Variants in PCDHGA7 observed in about 807,000 individuals in gnomAD.
PCDHGA7 encodes protocadherin gamma-A7.
PCDHGA7 carries 44 observed loss-of-function variants against 58.3 expected under a neutral mutation model. The observed-to-expected ratio is 0.75, with a 90% CI of 0.59 to 0.97. PCDHGA7 has a LOEUF of 0.97. PCDHGA7 is among the 50% of genes least tolerant of loss of function. PCDHGA7 has a pLI of 0.00. For synonymous variants in PCDHGA7, 516 were observed against 504.2 expected, an observed-to-expected ratio of 1.02 and a Z score of -0.31; for missense variants, 1,266 against 1,188.7, an observed-to-expected ratio of 1.06 and a Z score of -0.96.
At chr5:141,402,930 G>A (rs1260331134) in intron 1 of PCDHGA7, 1 of 1,584,094 alleles carries the variant, frequency 6.3e-7, no homozygotes, top group Non-Finnish European at 8.6e-7. Flanking sequence ...ATCCTTTTGA[G>A]AAAATTCCAA....
At chr5:141,403,574 C>A (rs1441332710) in intron 1 of PCDHGA7, 1 of 1,613,960 alleles carries the variant, frequency 6.2e-7, no homozygotes, top group Admixed American at 1.7e-5. Flanking sequence ...GGCAACTGCC[C>A]ACCACCTGGT....
rs1288831801 is a variant in PCDHGA7, at chr5:141,477,793, T to C, written c.2425-17014T>C. The C allele has an allele frequency of 6.2e-7, 1 of 1,614,050 alleles. No homozygotes were observed. The highest frequency in any genetic ancestry group is 2.2e-5 in the East Asian group (1 of 44,874). ...TCAGCGTGAACATATTTGTCACTGATCGCAATGACAATGCCCCCCAGGTCC... is the reference window on the plus strand; with the variant it reads ...TCAGCGTGAACATATTTGTCACTGACCGCAATGACAATGCCCCCCAGGTCC... On this transcript the variant is annotated intron_variant, in intron 1 of 3. Coordinates refer to ENST00000518325, the MANE Select transcript of PCDHGA7 (RefSeq NM_018920.4). This position sits in a 1 kb window ranked among gnomAD's most constrained non-coding sequence, Gnocchi z 4.9.
intron 1 of PCDHGA7, chr5:141,421,719 C>T (rs2096595246): frequency 6.2e-7 from 1 of 1,613,942 alleles, no homozygotes; most frequent in Non-Finnish European, 8.5e-7. Flanking sequence ...CAGATGTGGG[C>T]GTGAACTCCC....
Position 141,383,141 on chromosome 5 carries a change from G to A in PCDHGA7, c.242G>A (p.Ser81Asn), listed in dbSNP as rs781049830. ...RTQLFALNQR[S>N]GSLVTAGRID... ...CAGCTTTTCGCCCTGAACCAGCGCA[G>A]CGGCAGCTTGGTCACTGCGGGCAGG... Residue 81 changes from serine to asparagine, a missense_variant, in exon 1 of 4, where the codon AGC (serine) becomes AAC (asparagine). Coordinates refer to ENST00000518325, the MANE Select transcript of PCDHGA7 (RefSeq NM_018920.4). 2 of 1,614,134 alleles carry A rather than the reference G, an allele frequency of 1.2e-6. No homozygotes were observed. Among genetic ancestry groups the A allele is most frequent in the Admixed American group, 1.7e-5 (1 of 60,038 alleles).
chr5:141,400,081 G>A lies in PCDHGA7; in HGVS notation c.2424+14758G>A, dbSNP rs763547099. 3.7e-6 allele frequency: 6 copies of A among 1,613,902 alleles called. No homozygotes were observed. The highest frequency in any genetic ancestry group is 3.3e-5 in the Admixed American group (2 of 60,010). On this transcript the variant is annotated intron_variant, in intron 1 of 3. Transcript: ENST00000518325. ...TGATGGTGGACAGCCGCCACTCTCC[G>A]CCACCGCCACGCTGCACTTGGTCTT...
intron 1 of PCDHGA7, chr5:141,393,859 T>A (rs1348760722): frequency 1.9e-6 from 3 of 1,613,994 alleles, no homozygotes; most frequent in Non-Finnish European, 2.5e-6. Flanking sequence ...GAAGTGATCA[T>A]TACGTCTTTG....
intron 1 of PCDHGA7, chr5:141,409,412 C>T (rs1261631725): frequency 1.2e-6 from 2 of 1,614,032 alleles, no homozygotes; most frequent in Non-Finnish European, 1.7e-6. Flanking sequence ...CTACTACAAA[C>T]TGGTGACAGA....
rs142995927 is a variant in PCDHGA7, at chr5:141,489,933, C to T, written c.2425-4874C>T. 38 of 1,614,064 alleles carry T rather than the reference C, an allele frequency of 2.4e-5. No homozygotes were observed. The highest frequency in any genetic ancestry group is 1.8e-4 in the South Asian group (16 of 91,084). On this transcript the variant is annotated intron_variant, in intron 1 of 3. Transcript: ENST00000518325. This position sits in a 1 kb window ranked among gnomAD's most constrained non-coding sequence, Gnocchi z 4.5. ...CAGGGACCACCCTTATCTCTGTCAT[C>T]GTGCTGGACATCAATGATAATGCTC...
chr5:141,392,511 A>T (rs1368500575), intron 1 of PCDHGA7: 1 of 240,352 alleles, frequency 4.2e-6, no homozygotes, highest in Non-Finnish European at 7.9e-6. Flanking sequence ...TTTTTTTCTC[A>T]GTAATCTAGT....
At chr5:141,418,817 G>A (rs2154547923) in intron 1 of PCDHGA7, 1 of 1,613,882 alleles carries the variant, frequency 6.2e-7, no homozygotes, top group Non-Finnish European at 8.5e-7. Flanking sequence ...GATAAACATA[G>A]AAGCAAAAGA....
intron 2 of PCDHGA7, among the ~76,000 whole-genome samples, chr5:141,500,184 TTTTATTTA>T (rs58019021): frequency 0.099 from 13,469 of 135,812 alleles, 757 homozygotes; most frequent in African/African-American, 0.15. Context: ...TCATTTTTAT[TTTTATTTA>T]TTTATTTATT....
intron 1 of PCDHGA7, chr5:141,419,315 C>G (rs2096357855): frequency 1.2e-6 from 2 of 1,613,998 alleles, no homozygotes; most frequent in Non-Finnish European, 1.7e-6. Flanking sequence ...GCTCAACGGC[C>G]GTGTCTCCTA....
intron 1 of PCDHGA7, chr5:141,410,052 T>C: frequency 6.2e-7 from 1 of 1,613,122 alleles, no homozygotes; most frequent in Non-Finnish European, 8.5e-7. Context: ...CCCGGACTCT[T>C]CAGCCTGGGG....
Position 141,489,267 on chromosome 5 carries a change from C to G in PCDHGA7, c.2425-5540C>G. 6.4e-7 allele frequency: 1 copy of G among 1,553,302 alleles called. No homozygotes were observed. Among genetic ancestry groups the G allele is most frequent in the Non-Finnish European group, 8.7e-7 (1 of 1,149,864 alleles). The stretch of plus-strand genomic sequence containing the variant: ...TGGGGCCCAAGACACTCCCACAGCT[C>G]GCTGGGAAATGGCAAGTGCTGTGCA... On this transcript the variant is annotated intron_variant, in intron 1 of 3. Coordinates refer to ENST00000518325, the MANE Select transcript of PCDHGA7 (RefSeq NM_018920.4). The surrounding 1 kb of genome is among the most constrained non-coding windows in gnomAD (Gnocchi z 4.5).
At chr5:141,414,491 A>T in intron 1 of PCDHGA7, 1 of 1,613,962 alleles carries the variant, frequency 6.2e-7, no homozygotes, top group Non-Finnish European at 8.5e-7. Flanking sequence ...CTATCAACGG[A>T]AGCTCACTTT....
In PCDHGA7 at chr5:141,511,307, G is replaced by A. The variant is rs919320754; in HGVS notation, c.*134G>A. On this transcript the variant is annotated 3_prime_UTR_variant, in exon 4 of 4. Coordinates refer to ENST00000518325, the MANE Select transcript of PCDHGA7 (RefSeq NM_018920.4). ...TAGGGGCCAAGGCCATGCTCCCCTT[G>A]GGAAACAGAAACAAGTGCCCAGTCA... 8 of 1,488,416 alleles carry A rather than the reference G, an allele frequency of 5.4e-6. No individual in the cohort carries two copies. Among genetic ancestry groups the A allele is most frequent in the Non-Finnish European group, 5.4e-6 (6 of 1,115,202 alleles). The allele number at this position is 1,488,416 out of a possible 1,614,324, so 92.2% of individuals were successfully genotyped here. A position where few individuals can be genotyped will look rare whatever the true frequency, so the allele number is the denominator to read the frequency against.
chr5:141,477,861 G>T lies in PCDHGA7; in HGVS notation c.2425-16946G>T. 6.2e-7 allele frequency: 1 copy of T among 1,612,714 alleles called. No homozygotes were observed. Among genetic ancestry groups the T allele is most frequent in the Non-Finnish European group, 8.5e-7 (1 of 1,179,590 alleles). ...GGGAGCTCGGTGGAGATGCTGCCTC[G>T]AGGTACCTCAGCTGGCCACCTAGTG... On this transcript the variant is annotated intron_variant, in intron 1 of 3. Coordinates refer to ENST00000518325, the MANE Select transcript of PCDHGA7 (RefSeq NM_018920.4). This position sits in a 1 kb window ranked among gnomAD's most constrained non-coding sequence, Gnocchi z 4.9.
At chr5:141,445,838 A>T (rs1302150397) in intron 1 of PCDHGA7, among the ~76,000 whole-genome samples, 1 of 152,218 alleles carries the variant, frequency 6.6e-6, no homozygotes, top group South Asian at 2.1e-4. Flanking sequence ...GAGCCTTGTA[A>T]ATCACACTTA....
chr5:141,401,211 G>A (rs1180713351), intron 1 of PCDHGA7, among the ~76,000 whole-genome samples: 5 of 151,994 alleles, frequency 3.3e-5, no homozygotes, highest in South Asian at 2.1e-4. Context: ...GTGTGGTGGC[G>A]GGCGCCTGTA....
Sources: allele counts gnomAD v4.1 joint callset (sites outside exome capture counted in the v4.1 genomes callset), GRCh38; gene constraint gnomAD v4.1.1; non-coding constraint Gnocchi (gnomAD v3.1); transcripts MANE v1.5; gene names NCBI Gene and HGNC (gene_info 2026-07-23, HGNC 2026-07-21).